The following MYSM1 variants were observed in gnomAD, a reference collection of about 807,000 sequenced individuals.
The protein encoded by MYSM1 is Myb like, SWIRM and MPN domains 1.
In MYSM1, 51 loss-of-function variants were observed where a neutral mutation model predicts 116.0. The ratio of observed to expected loss-of-function variants is 0.44; its 90% CI spans 0.35 to 0.56. The LOEUF is 0.56. Among genes scored for constraint, MYSM1 ranks in the 20% least tolerant of loss-of-function variants. The pLI is 0.00. For missense variants in MYSM1, 900 were observed against 974.9 expected (o/e 0.92, Z 1.02); for synonymous variants, 313 against 315.2 (o/e 0.99, Z 0.07).
At position 58,696,310 on chromosome 1, in the gene MYSM1, G is replaced by C. The variant is rs1348475537; in HGVS notation, c.69-1103C>G. Among the ~76,000 whole-genome samples, 5 of 152,244 alleles carry C rather than the reference G, an allele frequency of 3.3e-5. No homozygotes were observed. In the East Asian group the frequency reaches 9.6e-4, roughly 29 times the overall value. ...TAGAAATCTTTTTATTCCTCAATAA[G>C]AAGAATCAGCAACACTCATACTCTG... On this transcript the variant is annotated intron_variant, in intron 1 of 19. Transcript: ENST00000472487.
chr1:58,677,799 C>T (rs1644676302), intron 8 of MYSM1, among the ~76,000 whole-genome samples: 1 of 152,078 alleles, frequency 6.6e-6, no homozygotes, highest in African/African-American at 2.4e-5. Context: ...TTAATCTTTA[C>T]AACTATACAA....
At chr1:58,674,769 CA>C (rs950406428) in intron 10 of MYSM1, among the ~76,000 whole-genome samples, 20 of 151,000 alleles carry the variant, frequency 1.3e-4, no homozygotes, top group African/African-American at 4.1e-4. Context: ...ACTAAAAATA[CA>C]AAAAAAATTA....
At position 58,676,956 on chromosome 1, in the gene MYSM1, C is replaced by T. The variant is rs749256385; in HGVS notation, c.1360G>A (p.Glu454Lys). 8 of 1,611,756 alleles carry T rather than the reference C, an allele frequency of 5.0e-6. No homozygotes were observed. The highest frequency in any genetic ancestry group is 2.7e-5 in the African/African-American group (2 of 74,812). ...NCIGRIHTYL[E>K]LIGAINFGCE... ...CCAAAATTGATTGCTCCTATCAATT[C>T]GAGGTATGTATGAATCCGTCCAATA... Residue 454 changes from glutamate (E) to lysine (K), a missense_variant, in exon 9 of 20, where the codon GAA becomes AAA. Physicochemically the swap from Glu to Lys is moderately conservative, Grantham distance 56. Coordinates refer to ENST00000472487, the MANE Select transcript of MYSM1 (RefSeq NM_001085487.3).
At position 58,655,179 on chromosome 1, in the gene MYSM1, A is replaced by G. The variant is rs1429926413; in HGVS notation, c.*4818T>C. 2 of 152,188 alleles carry G rather than the reference A, an allele frequency of 1.3e-5. No individual in the cohort carries two copies. Among genetic ancestry groups the G allele is most frequent in the African/African-American group, 4.8e-5 (2 of 41,452 alleles). 9.4% of individuals were successfully genotyped at this position (152,188 alleles called of 1,614,324 possible). A position where few individuals can be genotyped will look rare whatever the true frequency, so the allele number is the denominator to read the frequency against. ...ATGACTAATCTATTTAACTCACGCT[A>G]GAATCTAAATACTATTTTATAATTC... is the stretch of plus-strand genomic sequence containing the variant. On this transcript the variant is annotated 3_prime_UTR_variant, in exon 20 of 20. Coordinates refer to ENST00000472487, the MANE Select transcript of MYSM1 (RefSeq NM_001085487.3).
rs765113314 is a variant in MYSM1 at position 58,659,970 on chromosome 1, G to T, written c.*27C>A. On this transcript the variant is annotated 3_prime_UTR_variant, in exon 20 of 20. Coordinates refer to ENST00000472487, the MANE Select transcript of MYSM1 (RefSeq NM_001085487.3). ...TTGAAAGTAAGATCTACTGTGTCAA[G>T]ATTAAAATGTCTTAACTTTAAAATA... is the stretch of plus-strand genomic sequence containing the variant. The T allele has an allele frequency of 1.2e-5, 16 of 1,378,642 alleles. No homozygotes were observed. Among genetic ancestry groups the T allele is most frequent in the Middle Eastern group, 4.3e-4 (2 of 4,658 alleles). 85.4% of individuals were successfully genotyped at this position (1,378,642 alleles called of 1,614,324 possible).
rs2100658531 is a variant in MYSM1 at position 58,685,158 on chromosome 1, T to C, written c.493A>G (p.Asn165Asp). ...VKSYARQYFK[N>D]KVKCGLDKET... is the part of the protein sequence containing the mutation. ...GATACTGATATTCTGCTTACCTTAT[T>C]TTTAAAATACTGTCTTGCATAACTC... Residue 165 changes from asparagine (N) to aspartate (D), a missense_variant, in exon 7 of 20, where the codon AAT becomes GAT. By Grantham distance (23) the Asn-to-Asp change is conservative. Around this residue, in one of 3 missense-constraint regions of MYSM1, gnomAD observed 622 missense variants for 623.7 expected, o/e 1.00. Transcript: ENST00000472487. 6.3e-7 allele frequency: 1 copy of C among 1,585,006 alleles called. No individual in the cohort carries two copies. The highest frequency in any genetic ancestry group is 8.5e-7 in the Non-Finnish European group (1 of 1,171,030).
chr1:58,657,341 T>C lies in MYSM1; in HGVS notation c.*2656A>G, dbSNP rs991351773. 2 of 152,126 alleles carry C rather than the reference T, an allele frequency of 1.3e-5. No homozygotes were observed. Among genetic ancestry groups the C allele is most frequent in the Non-Finnish European group, 2.9e-5 (2 of 68,022 alleles). 9.4% of individuals were successfully genotyped at this position (152,126 alleles called of 1,614,324 possible). A position where few individuals can be genotyped will look rare whatever the true frequency, so the allele number is the denominator to read the frequency against. On this transcript the variant is annotated 3_prime_UTR_variant, in exon 20 of 20. Coordinates refer to ENST00000472487, the MANE Select transcript of MYSM1 (RefSeq NM_001085487.3). ...TGTCTTTAAGTCCTTTAGTCCTTTC[T>C]CCACTTCTGTAAACATTATTAAAGG...
intron 9 of MYSM1, 51 bp downstream of exon 9, chr1:58,676,875 G>GTC (rs777684376): frequency 5.7e-6 from 9 of 1,585,358 alleles, no homozygotes; most frequent in Non-Finnish European, 7.7e-6. Context: ...AATAAGTGCT[G>GTC]TAAGGATAAA....
At chr1:58,661,724 A>G (rs1644395131) in intron 17 of MYSM1, among the ~76,000 whole-genome samples, 1 of 152,114 alleles carries the variant, frequency 6.6e-6, no homozygotes, top group African/African-American at 2.4e-5. Context: ...ATTAATAATA[A>G]TAATGAGTAA....
intron 3 of MYSM1, 152 bp downstream of exon 3, chr1:58,692,708 GC>G: frequency 1.9e-6 from 1 of 532,390 alleles, no homozygotes; most frequent in South Asian, 3.4e-5. Flanking sequence ...AGAAAATGCT[GC>G]TTTTTGCATA....
chr1:58,666,861 C>T (rs1428645901), intron 16 of MYSM1, among the ~76,000 whole-genome samples, 177 bp downstream of exon 16: 1 of 146,926 alleles, frequency 6.8e-6, no homozygotes, highest in Non-Finnish European at 1.5e-5. Context: ...GCAACAAGAG[C>T]GAAACTCTGT....
At chr1:58,684,921 C>T (rs1194133040) in intron 7 of MYSM1, among the ~76,000 whole-genome samples, 1 of 152,098 alleles carries the variant, frequency 6.6e-6, no homozygotes, top group Non-Finnish European at 1.5e-5. Flanking sequence ...TGAGCAATTA[C>T]TATTTTGTCC....
chr1:58,699,396 T>A (rs572842019), intron 1 of MYSM1, among the ~76,000 whole-genome samples: 3 of 152,314 alleles, frequency 2.0e-5, no homozygotes, highest in South Asian at 4.1e-4. Flanking sequence ...ATATGAGCAG[T>A]CTGAGGCTCA....
chr1:58,673,430 G>A, intron 11 of MYSM1, 143 bp downstream of exon 11: 1 of 658,540 alleles, frequency 1.5e-6, no homozygotes, highest in South Asian at 1.9e-5. Flanking sequence ...GTGTTTACTG[G>A]TGACTTCCAG....
Position 58,665,550 on chromosome 1 carries a change from G to C in MYSM1, c.2113C>G (p.Gln705Glu). The C allele has an allele frequency of 6.2e-7, 1 of 1,604,636 alleles. No individual in the cohort carries two copies. Among genetic ancestry groups the C allele is most frequent in the African/African-American group, 1.3e-5 (1 of 74,810 alleles). The part of the protein sequence containing the change: ...YNRNNPLPYS[Q>E]ITCLVISEEI... ...TCACTTATAACCAGGCAGGTAATCT[G>C]AGAATATGGTAAGGGATTATTTCGA... Residue 705 changes from glutamine (Q) to glutamate (E), a missense_variant, in exon 17 of 20, where the codon CAG becomes GAG. Physicochemically the swap from Gln to Glu is conservative, Grantham distance 29. Transcript: ENST00000472487.
In MYSM1 at chr1:58,659,209, T is replaced by C. The variant is rs1644358570; in HGVS notation, c.*788A>G. On this transcript the variant is annotated 3_prime_UTR_variant, in exon 20 of 20. Coordinates refer to ENST00000472487, the MANE Select transcript of MYSM1 (RefSeq NM_001085487.3). ...ATTATCATTTGCCTCTTTCTCCTAG[T>C]AGTAGGCAGTAGAAAAAAAGTTTGA... is the stretch of plus-strand genomic sequence containing the variant. 6.6e-6 allele frequency: 1 copy of C among 152,184 alleles called. No homozygotes were observed. The highest frequency in any genetic ancestry group is 1.5e-5 in the Non-Finnish European group (1 of 68,026). 9.4% of individuals were successfully genotyped at this position (152,184 alleles called of 1,614,324 possible).
intron 6 of MYSM1, among the ~76,000 whole-genome samples, chr1:58,687,401 C>G (rs912045505): frequency 6.6e-6 from 1 of 152,132 alleles, no homozygotes; most frequent in African/African-American, 2.4e-5. Context: ...ACTTTAGGAA[C>G]CTTTTGAATT....
At chr1:58,690,959 A>C (rs918288651) in intron 3 of MYSM1, among the ~76,000 whole-genome samples, 2 of 152,240 alleles carry the variant, frequency 1.3e-5, no homozygotes, top group Non-Finnish European at 2.9e-5. Context: ...AATCTACCAG[A>C]GAACTTCCCT....
At position 58,673,759 on chromosome 1, in the gene MYSM1, A is replaced by T. The variant is rs1644600858; in HGVS notation, c.1495-109T>A. 3 of 881,940 alleles carry T rather than the reference A, an allele frequency of 3.4e-6. No individual in the cohort carries two copies. The South Asian group carries it at 4.6e-5, about 13-fold the overall frequency. 54.6% of individuals were successfully genotyped at this position (881,940 alleles called of 1,614,324 possible). A position where few individuals can be genotyped will look rare whatever the true frequency, so the allele number is the denominator to read the frequency against. On this transcript the variant is annotated intron_variant, in intron 10 of 19. Coordinates refer to ENST00000472487, the MANE Select transcript of MYSM1 (RefSeq NM_001085487.3). ...TAATTATCTAAAAGTCAATTAATCT[A>T]TCAATTTAAATAGTATAACCTCTGG...
Sources: gnomAD v4.1 joint callset for allele counts (sites outside exome capture counted in the v4.1 genomes callset) on GRCh38, gnomAD v4.1.1 for gene constraint, gnomAD v4.1.1 regional missense constraint, MANE v1.5 for transcripts, NCBI Gene and HGNC (gene_info 2026-07-23, HGNC 2026-07-21) for gene names.